The following RET variants were observed in gnomAD, a reference collection of about 807,000 sequenced individuals.
RET encodes proto-oncogene tyrosine-protein kinase receptor Ret.
A neutral mutation model predicts 118.3 loss-of-function variants in RET; 19 were observed. The observed-to-expected ratio is 0.16, with a 90% CI of 0.11 to 0.24. RET has a LOEUF of 0.24. Ranked by LOEUF, RET falls within the 10% of genes least tolerant of loss-of-function variation. RET has a pLI of 1.00. For synonymous variants in RET, 597 were observed against 644.1 expected (o/e 0.93, Z 1.11); for missense variants, 1,219 against 1,502.1 (o/e 0.81, Z 3.12).
chr10:43,130,174 A>C lies in RET; in HGVS notation c.*1905A>C, dbSNP rs1374048229. On this transcript the variant is annotated 3_prime_UTR_variant, in exon 20 of 20. Transcript: ENST00000355710. ...ATTAGCTCTACTGGAATTTTCATAC[A>C]CGTAAATGCAGAAGTTACTAAGTAT... 5.0e-6 allele frequency: 2 copies of C among 396,672 alleles called. No individual in the cohort carries two copies. The highest frequency in any genetic ancestry group is 8.9e-6 in the Non-Finnish European group (2 of 225,406). The allele number at this position is 396,672 out of a possible 1,614,324, so 24.6% of individuals were successfully genotyped here.
At chr10:43,116,753 A>G (rs2132911094) in intron 12 of RET, 22 bp downstream of exon 12, 2 of 1,149,556 alleles carry the variant, frequency 1.7e-6, no homozygotes, top group Middle Eastern at 2.5e-4. Context: ...GCACAGGCAC[A>G]GTGCCCCTGG....
At chr10:43,082,130 C>A (rs1008486396) in intron 1 of RET, among the ~76,000 whole-genome samples, 2 of 152,178 alleles carry the variant, frequency 1.3e-5, no homozygotes, top group South Asian at 2.1e-4. Context: ...GCCTGTGGGT[C>A]CCTGAACTGT....
chr10:43,121,840 T>C, intron 15 of RET, 106 bp from the exon 16 acceptor site: 1 of 837,054 alleles, frequency 1.2e-6, no homozygotes, highest in Non-Finnish European at 2.1e-6. Context: ...TCTACAGCAC[T>C]CCTCTGGTTA....
Position 43,089,666 on chromosome 10 carries a change from G to A in RET, c.74-10793G>A, listed in dbSNP as rs188264673. On this transcript the variant is annotated intron_variant, in intron 1 of 19. Coordinates refer to ENST00000355710, the MANE Select transcript of RET (RefSeq NM_020975.6). ...CCGACAGCATTGTGTCGGGGAGCCC[G>A]CCCCCACATGCAAGGACACACCACA... is the stretch of plus-strand genomic sequence containing the variant. 7.9e-4 allele frequency among the ~76,000 whole-genome samples: 121 copies of A among 152,294 alleles called. 3 individuals carry two copies. In the East Asian group the frequency reaches 0.019, roughly 24 times the overall value.
At chr10:43,078,761 A>T (rs1219417110) in intron 1 of RET, among the ~76,000 whole-genome samples, 2 of 152,150 alleles carry the variant, frequency 1.3e-5, no homozygotes, top group Non-Finnish European at 2.9e-5. Flanking sequence ...TGTGGGGGCC[A>T]GGCTCTGGGG....
At chr10:43,105,906 C>T (rs1305675316) in intron 4 of RET, among the ~76,000 whole-genome samples, 4 of 152,216 alleles carry the variant, frequency 2.6e-5, no homozygotes, top group Admixed American at 2.0e-4. Context: ...TCCTCACAAC[C>T]CCCTCCAGCC....
chr10:43,089,094 T>C (rs1185442445), intron 1 of RET, among the ~76,000 whole-genome samples: 1 of 152,214 alleles, frequency 6.6e-6, no homozygotes, highest in Admixed American at 6.5e-5. Context: ...GCAGCCCCCT[T>C]GGCCCCTCAG....
intron 11 of RET, 148 bp from the exon 12 acceptor site, chr10:43,116,436 C>T (rs1404334375): frequency 2.1e-6 from 2 of 960,204 alleles, no homozygotes; most frequent in Non-Finnish European, 3.3e-6. Flanking sequence ...CAGAGACAGG[C>T]AGCGTTGCCG....
At position 43,077,222 on chromosome 10, in the gene RET, G is replaced by A. The variant is rs751005619; in HGVS notation, c.-37G>A. ...CCATCCAGACCCGCCGGCCCTAGCC[G>A]CAGTCCCTCCAGCCGTGGCCCCAGC... On this transcript the variant is annotated 5_prime_UTR_variant, in exon 1 of 20. Transcript: ENST00000355710. 6.8e-7 allele frequency: 1 copy of A among 1,474,838 alleles called. No individual in the cohort carries two copies. The highest frequency in any genetic ancestry group is 9.0e-7 in the Non-Finnish European group (1 of 1,116,064). 91.4% of individuals were successfully genotyped at this position (1,474,838 alleles called of 1,614,324 possible).
At chr10:43,102,722 C>T in intron 3 of RET, 93 bp downstream of exon 3, 2 of 1,457,224 alleles carry the variant, frequency 1.4e-6, no homozygotes, top group Non-Finnish European at 1.9e-6. Context: ...GTTTATTCTT[C>T]ACCTTCATGC....
chr10:43,090,180 C>T (rs1288061331), intron 1 of RET, among the ~76,000 whole-genome samples: 1 of 152,212 alleles, frequency 6.6e-6, no homozygotes, highest in Non-Finnish European at 1.5e-5. Context: ...TGTTTGGTGG[C>T]TGCCCTGGGC....
At chr10:43,099,307 C>T (rs929253473) in intron 1 of RET, among the ~76,000 whole-genome samples, 12 of 151,962 alleles carry the variant, frequency 7.9e-5, no homozygotes, top group African/African-American at 1.9e-4. Context: ...GTTGAGAGTT[C>T]GAGACCAGCC....
chr10:43,126,996 T>C, intron 19 of RET: 1 of 1,363,418 alleles, frequency 7.3e-7, no homozygotes, highest in East Asian at 2.8e-5. Flanking sequence ...GGCGGAACTC[T>C]CAGGGGAGAC....
intron 7 of RET, 103 bp from the exon 8 acceptor site, chr10:43,111,996 C>T (rs2132792576): frequency 6.7e-7 from 1 of 1,497,138 alleles, no homozygotes; most frequent in Non-Finnish European, 9.0e-7. Flanking sequence ...CCTTGGGCTC[C>T]ATCCGTGGGC....
At chr10:43,113,196 G>A (rs1837981332) in intron 9 of RET, among the ~76,000 whole-genome samples, 1 of 152,184 alleles carries the variant, frequency 6.6e-6, no homozygotes, top group Non-Finnish European at 1.5e-5. Context: ...CCAGAAGTCG[G>A]CACACACAGA....
intron 1 of RET, among the ~76,000 whole-genome samples, chr10:43,089,224 G>A (rs1693043685): frequency 6.6e-6 from 1 of 152,214 alleles, no homozygotes; most frequent in Non-Finnish European, 1.5e-5. Flanking sequence ...GGGTGCACAT[G>A]GGTGCCCCCA....
At chr10:43,088,273 A>G (rs1209128119) in intron 1 of RET, among the ~76,000 whole-genome samples, 6 of 138,806 alleles carry the variant, frequency 4.3e-5, no homozygotes, top group Non-Finnish European at 6.2e-5. Flanking sequence ...GGTATTAGTG[A>G]AGGTGATGGT....
rs1010394903 is a variant in RET at position 43,114,880 on chromosome 10, A to G, written c.2136+144A>G. 1.9e-5 allele frequency: 17 copies of G among 872,284 alleles called. No homozygotes were observed. Among genetic ancestry groups the G allele is most frequent in the Middle Eastern group, 3.5e-4 (1 of 2,840 alleles). The allele number at this position is 872,284 out of a possible 1,614,324, so 54.0% of individuals were successfully genotyped here. Reference sequence around the variant, plus strand: ...AGGCCTGTGTTCTGCCCCCATTTCCATAGGGCGCTGTGTGGGGACAGTCTG... The same window carrying G: ...AGGCCTGTGTTCTGCCCCCATTTCCGTAGGGCGCTGTGTGGGGACAGTCTG... On this transcript the variant is annotated intron_variant, in intron 11 of 19. Transcript: ENST00000355710. The surrounding 1 kb of genome is among the most constrained non-coding windows in gnomAD (Gnocchi z 4.6).
rs1453857349 is a variant in RET, at chr10:43,100,447, T to TAC, written c.74-11_74-10dup. The stretch of plus-strand genomic sequence containing the variant: ...TCTCACCATCCCTCACTCACTTCCC[T>TAC]ACTTCCCACAGTGGCATTGGGCCTC... On this transcript the variant is annotated splice_polypyrimidine_tract_variant and intron_variant, in intron 1 of 19. Transcript: ENST00000355710. 3.0e-5 allele frequency: 48 copies of TAC among 1,612,498 alleles called. No individual in the cohort carries two copies. Among genetic ancestry groups the TAC allele is most frequent in the Non-Finnish European group, 4.0e-5 (47 of 1,179,586 alleles).
Sources: allele counts gnomAD v4.1 joint callset (sites outside exome capture counted in the v4.1 genomes callset), GRCh38; gene constraint gnomAD v4.1.1; non-coding constraint Gnocchi (gnomAD v3.1); transcripts MANE v1.5; gene names NCBI Gene and HGNC (gene_info 2026-07-23, HGNC 2026-07-21).